GALNTL6: variants seen among roughly 807,000 people sequenced by gnomAD.
GALNTL6 encodes polypeptide N-acetylgalactosaminyltransferase-like 6.
GALNTL6 carries 46 observed loss-of-function variants against 73.7 expected under a neutral mutation model. The observed-to-expected ratio is 0.62, with a 90% CI of 0.49 to 0.80. GALNTL6 has a LOEUF of 0.80. Ranked by LOEUF, GALNTL6 falls within the 30% of genes least tolerant of loss-of-function variation. The pLI is 0.00. For missense variants in GALNTL6, 604 were observed against 755.0 expected (o/e 0.80, Z 2.34); for synonymous variants, 259 against 263.7 (o/e 0.98, Z 0.17).
chr4:172,095,413 A>G (rs1385453167), intron 2 of GALNTL6, among the ~76,000 whole-genome samples: 1 of 152,142 alleles, frequency 6.6e-6, no homozygotes, highest in Non-Finnish European at 1.5e-5. Flanking sequence ...GAAGTGGTGG[A>G]AAAAAATGCA....
chr4:172,715,855 CTT>C (rs1177711655), intron 5 of GALNTL6, among the ~76,000 whole-genome samples: 1 of 152,158 alleles, frequency 6.6e-6, no homozygotes, highest in East Asian at 1.9e-4. Context: ...CTACATATGA[CTT>C]TGTGAGTTAA....
intron 5 of GALNTL6, among the ~76,000 whole-genome samples, chr4:172,662,850 T>C (rs1731449432): frequency 6.6e-6 from 1 of 151,974 alleles, no homozygotes; most frequent in African/African-American, 2.4e-5. Context: ...ACTGGAGAGA[T>C]TAGACAGGGG....
intron 5 of GALNTL6, among the ~76,000 whole-genome samples, chr4:172,613,634 T>C (rs1159216928): frequency 6.6e-6 from 1 of 152,094 alleles, no homozygotes; most frequent in Non-Finnish European, 1.5e-5. Flanking sequence ...GCAAAATGTG[T>C]TTTTTGGAAT....
At chr4:172,404,164 G>A (rs564500909) in intron 5 of GALNTL6, among the ~76,000 whole-genome samples, 108 of 151,796 alleles carry the variant, frequency 7.1e-4, no homozygotes, top group African/African-American at 2.3e-3. Flanking sequence ...TTAAAATAAG[G>A]TTGCCAGATG....
At chr4:172,602,001 C>T (rs1738067447) in intron 5 of GALNTL6, among the ~76,000 whole-genome samples, 2 of 151,326 alleles carry the variant, frequency 1.3e-5, no homozygotes, top group South Asian at 4.2e-4. Context: ...ATAAGTGGGG[C>T]AAGAAGGATA....
intron 3 of GALNTL6, among the ~76,000 whole-genome samples, 199 bp from the exon 4 acceptor site, chr4:172,311,415 T>A (rs1388344734): frequency 1.3e-5 from 2 of 152,208 alleles, no homozygotes; most frequent in African/African-American, 4.8e-5. Context: ...CACTTTCTAC[T>A]TCTGTGTGGT....
chr4:172,629,927 A>G (rs1300426801), intron 5 of GALNTL6, among the ~76,000 whole-genome samples: 4 of 152,184 alleles, frequency 2.6e-5, no homozygotes, highest in Non-Finnish European at 1.5e-5. Context: ...TTATTCCCTC[A>G]GGGATTATTA....
chr4:172,114,036 GA>G (rs1159857220), intron 2 of GALNTL6, among the ~76,000 whole-genome samples: 1 of 152,066 alleles, frequency 6.6e-6, no homozygotes, highest in Non-Finnish European at 1.5e-5. Flanking sequence ...AGATTTAGCT[GA>G]AGAGAAAGTA....
At chr4:172,587,075 A>T (rs1157864510) in intron 5 of GALNTL6, among the ~76,000 whole-genome samples, 1 of 152,216 alleles carries the variant, frequency 6.6e-6, no homozygotes, top group Non-Finnish European at 1.5e-5. Context: ...TAAGGAAATG[A>T]ATGTGAAGAA....
At chr4:172,757,036 T>A (rs980734472) in intron 5 of GALNTL6, among the ~76,000 whole-genome samples, 1 of 152,162 alleles carries the variant, frequency 6.6e-6, no homozygotes, top group Non-Finnish European at 1.5e-5. Context: ...CCTGGAGAGG[T>A]TCTAGTTTCA....
intron 7 of GALNTL6, among the ~76,000 whole-genome samples, chr4:172,820,669 A>G (rs572404965): frequency 5.6e-4 from 86 of 152,314 alleles, no homozygotes; most frequent in Admixed American, 1.4e-3. Flanking sequence ...AGCCTGGAAT[A>G]TCCATTTGGT....
intron 5 of GALNTL6, among the ~76,000 whole-genome samples, chr4:172,777,601 T>C (rs1739142466): frequency 6.6e-6 from 1 of 152,236 alleles, no homozygotes. Flanking sequence ...TGGTAGGTGC[T>C]TAGTAAATTT....
intron 5 of GALNTL6, among the ~76,000 whole-genome samples, chr4:172,393,255 A>G (rs1215913943): frequency 6.6e-6 from 1 of 152,160 alleles, no homozygotes; most frequent in East Asian, 1.9e-4. Flanking sequence ...TTAGGAGAAA[A>G]CACTTGAGAA....
chr4:172,938,241 T>C (rs1711820824), intron 9 of GALNTL6, among the ~76,000 whole-genome samples: 1 of 152,062 alleles, frequency 6.6e-6, no homozygotes, highest in Admixed American at 6.6e-5. Context: ...ATTCCATAGA[T>C]CCTCTCAGAC....
At chr4:172,664,854 C>T (rs1355307080) in intron 5 of GALNTL6, among the ~76,000 whole-genome samples, 1 of 152,170 alleles carries the variant, frequency 6.6e-6, no homozygotes, top group Non-Finnish European at 1.5e-5. Flanking sequence ...AAAAACTAAG[C>T]ACTTCCCTAG....
chr4:172,026,986 C>T (rs1478250325), intron 2 of GALNTL6, among the ~76,000 whole-genome samples: 1 of 151,980 alleles, frequency 6.6e-6, no homozygotes, highest in Non-Finnish European at 1.5e-5. Context: ...CCTCCTGGGG[C>T]TCAAGTGATC....
At chr4:171,923,063 T>TAATA (rs1440941710) in intron 2 of GALNTL6, among the ~76,000 whole-genome samples, 1 of 152,054 alleles carries the variant, frequency 6.6e-6, no homozygotes, top group East Asian at 1.9e-4. Flanking sequence ...CAAATATAAA[T>TAATA]AATATTTATA....
At chr4:172,356,064 T>C (rs1477449487) in intron 5 of GALNTL6, among the ~76,000 whole-genome samples, 1 of 152,090 alleles carries the variant, frequency 6.6e-6, no homozygotes, top group Admixed American at 6.5e-5. Flanking sequence ...TCCACATGGC[T>C]GAATTAATAT....
At chr4:171,923,934 A>G (rs1737888585) in intron 2 of GALNTL6, among the ~76,000 whole-genome samples, 1 of 151,954 alleles carries the variant, frequency 6.6e-6, no homozygotes, top group Non-Finnish European at 1.5e-5. Flanking sequence ...AGTTTATCCA[A>G]TCACAGAAAC....
Sources: allele counts gnomAD v4.1 joint callset (sites outside exome capture counted in the v4.1 genomes callset), GRCh38; gene constraint gnomAD v4.1.1; transcripts MANE v1.5; gene names NCBI Gene and HGNC (gene_info 2026-07-23, HGNC 2026-07-21).